The following NUP35 variants were observed in gnomAD, a reference collection of about 807,000 sequenced individuals.
NUP35 encodes the protein nucleoporin 35, also known as nucleoporin NUP35.
In NUP35, 25 loss-of-function variants were observed where a neutral mutation model predicts 41.5. The ratio of observed to expected loss-of-function variants is 0.60; its 90% CI spans 0.44 to 0.84. The LOEUF is 0.84. Among genes scored for constraint, NUP35 ranks in the 40% least tolerant of loss-of-function variants. The pLI is 0.00. For synonymous variants in NUP35, 149 were observed against 130.7 expected, an observed-to-expected ratio of 1.14 and a Z score of -0.96; for missense variants, 396 against 396.6, an observed-to-expected ratio of 1.00 and a Z score of 0.01.
chr2:183,134,919 C>T (rs1357057069), intron 4 of NUP35, among the ~76,000 whole-genome samples: 1 of 152,022 alleles, frequency 6.6e-6, no homozygotes, highest in African/African-American at 2.4e-5. Flanking sequence ...CCACCGCGCC[C>T]AGCTGGCAAT....
intron 4 of NUP35, among the ~76,000 whole-genome samples, chr2:183,135,415 G>A (rs2675045): frequency 0.49 from 74,486 of 151,868 alleles, 19,610 homozygotes; most frequent in African/African-American, 0.68. Flanking sequence ...GGAGAATAGT[G>A]GAAAATGAGG....
At chr2:183,158,758 T>A (rs1366188868) in intron 7 of NUP35, among the ~76,000 whole-genome samples, 1 of 152,182 alleles carries the variant, frequency 6.6e-6, no homozygotes, top group Non-Finnish European at 1.5e-5. Flanking sequence ...TTTAAAGTAC[T>A]TAAATGGAAT....
Position 183,138,269 on chromosome 2 carries a change from A to ATATATATATATATTTTT in NUP35, c.397+4647_397+4648insATATATATATATTTTTT. Among the ~76,000 whole-genome samples the ATATATATATATATTTTT allele has an allele frequency of 6.1e-4, 49 of 80,670 alleles. 1 individual carries two copies. The highest frequency in any genetic ancestry group is 2.9e-3 in the African/African-American group (47 of 16,150). The allele number at this position is 80,670 out of a possible 152,430, so 52.9% of individuals were successfully genotyped here. ...GCTATATATATATATATATATATAT[A>ATATATATATATATTTTT]TTTTTTTTTTTTTTTAGCTCCTGTA... On this transcript the variant is annotated intron_variant, in intron 4 of 8. Transcript: ENST00000295119.
At chr2:183,134,913 C>T (rs930681231) in intron 4 of NUP35, among the ~76,000 whole-genome samples, 11 of 151,936 alleles carry the variant, frequency 7.2e-5, no homozygotes, top group South Asian at 2.1e-4. Context: ...CTTGAGCCAC[C>T]GCGCCCAGCT....
chr2:183,123,786 T>C, upstream of NUP35: 6 of 985,370 alleles, frequency 6.1e-6, no homozygotes, highest in Non-Finnish European at 7.2e-6. Context: ...GGATGGCACA[T>C]GCAGAAGCAC....
chr2:183,158,183 G>A (rs1224124713), intron 6 of NUP35, 100 bp from the exon 7 acceptor site: 30 of 890,408 alleles, frequency 3.4e-5, no homozygotes, highest in Non-Finnish European at 4.7e-5. Flanking sequence ...ATACGGAATG[G>A]AAGTAAATTT....
chr2:183,140,137 T>TA (rs1426829930), intron 4 of NUP35, among the ~76,000 whole-genome samples: 1 of 152,218 alleles, frequency 6.6e-6, no homozygotes. Context: ...TTTATTGTGT[T>TA]ACAGTTATGG....
In NUP35 at chr2:183,161,113, G is replaced by A. The variant is rs373170461; in HGVS notation, c.963G>A (p.Glu321=). 15 of 1,612,638 alleles carry A rather than the reference G, an allele frequency of 9.3e-6. No homozygotes were observed. The East Asian group carries it at 1.6e-4, about 17-fold the overall frequency. The stretch of plus-strand genomic sequence containing the variant: ...AAAGTCTTGTATCCAAAGCAATGGA[G>A]TACATGTTTGGCTGGTAGTAGAACA... ...KDESLVSKAM[E]YMFGW Residue 321 remains glutamate, a synonymous_variant, in exon 9 of 9, where the codon GAG becomes GAA. Transcript: ENST00000295119.
chr2:183,160,812 G>A (rs1685845718), intron 8 of NUP35: 1 of 285,776 alleles, frequency 3.5e-6, no homozygotes, highest in African/African-American at 2.2e-5. Flanking sequence ...GCCGGGCGCA[G>A]GGGCTCATGC....
At position 183,140,147 on chromosome 2, in the gene NUP35, G is replaced by A. The variant is rs768900590; in HGVS notation, c.397+6524G>A. On this transcript the variant is annotated intron_variant, in intron 4 of 8. Coordinates refer to ENST00000295119, the MANE Select transcript of NUP35 (RefSeq NM_138285.5). ...ACAAATTTATTGTGTTACAGTTATG[G>A]AGGTCAGAAGTCTGAAGTAGGCCTC... Among the ~76,000 whole-genome samples, 40 of 152,244 alleles carry A rather than the reference G, an allele frequency of 2.6e-4. 1 individual carries two copies. The highest frequency in any genetic ancestry group is 3.4e-3 in the Middle Eastern group (1 of 294).
intron 3 of NUP35, among the ~76,000 whole-genome samples, chr2:183,132,301 T>C (rs1245559933): frequency 6.6e-6 from 1 of 151,970 alleles, no homozygotes; most frequent in Non-Finnish European, 1.5e-5. Flanking sequence ...GGATTACAGG[T>C]GTGACCCACT....
upstream of NUP35, among the ~76,000 whole-genome samples, chr2:183,122,270 G>T (rs556188124): frequency 2.0e-5 from 3 of 151,968 alleles, no homozygotes; most frequent in South Asian, 6.2e-4. Context: ...TAGAGATGGG[G>T]TTTCACCATG....
chr2:183,143,562 T>A (rs1685176714), intron 4 of NUP35, among the ~76,000 whole-genome samples: 1 of 152,214 alleles, frequency 6.6e-6, no homozygotes, highest in African/African-American at 2.4e-5. Context: ...CTTACAGTTG[T>A]CTTCTGCTGT....
At chr2:183,122,952 T>C (rs1700090981), upstream of NUP35, among the ~76,000 whole-genome samples, 3 of 152,240 alleles carry the variant, frequency 2.0e-5, no homozygotes, top group Admixed American at 2.0e-4. Context: ...CTACTGAATA[T>C]TGAAATAGTA....
At chr2:183,134,242 AC>A (rs1159989236) in intron 4 of NUP35, among the ~76,000 whole-genome samples, 2 of 152,158 alleles carry the variant, frequency 1.3e-5, no homozygotes, top group African/African-American at 4.8e-5. Flanking sequence ...TGAGCACCTA[AC>A]TGTGTACTCT....
rs748982885 is a variant in NUP35, at chr2:183,126,988, C to CACTGTATACAAGTGTATAAAAG, written c.41-1299_41-1298insACTGTATACAAGTGTATAAAAG. On this transcript the variant is annotated intron_variant, in intron 1 of 8. Coordinates refer to ENST00000295119, the MANE Select transcript of NUP35 (RefSeq NM_138285.5). ...TTATTGAGCACCTGTGTATCAGGTA[C>CACTGTATACAAGTGTATAAAAG]CAGGTCAAGCTATACTTGCTATAAT... is the stretch of plus-strand genomic sequence containing the variant. Among the ~76,000 whole-genome samples, 299 of 152,260 alleles carry CACTGTATACAAGTGTATAAAAG rather than the reference C, an allele frequency of 2.0e-3. 2 individuals carry two copies. The highest frequency in any genetic ancestry group is 3.7e-3 in the South Asian group (18 of 4,826).
At chr2:183,152,291 C>CT (rs1409634368) in intron 5 of NUP35, among the ~76,000 whole-genome samples, 1 of 151,824 alleles carries the variant, frequency 6.6e-6, no homozygotes, top group African/African-American at 2.4e-5. Context: ...AAAAAAAATG[C>CT]TTTTTTATTT....
chr2:183,117,602 T>C (rs1415884935), exon 1 of NUP35: 1 of 152,188 alleles, frequency 6.6e-6, no homozygotes, highest in Non-Finnish European at 1.5e-5. Context: ...ACAAACTCCA[T>C]CTTTTTTCTA....
intron 4 of NUP35, among the ~76,000 whole-genome samples, chr2:183,141,504 A>G (rs1001628104): frequency 1.3e-5 from 2 of 152,216 alleles, no homozygotes; most frequent in African/African-American, 4.8e-5. Context: ...TTCCCCTCAT[A>G]TTATCTGAAT....
Sources: allele counts gnomAD v4.1 joint callset (sites outside exome capture counted in the v4.1 genomes callset), GRCh38; gene constraint gnomAD v4.1.1; transcripts MANE v1.5; gene names NCBI Gene and HGNC (gene_info 2026-07-23, HGNC 2026-07-21).